Variants in ELF1 observed in about 807,000 individuals in gnomAD.
The protein encoded by ELF1 is E74 like ETS transcription factor 1.
Under a neutral mutation model 59.9 loss-of-function variants are expected in ELF1, and 24 were observed. The ratio of observed to expected loss-of-function variants is 0.40; its 90% confidence interval spans 0.29 to 0.56. ELF1 has a LOEUF of 0.56. Among genes scored for constraint, ELF1 ranks in the 20% least tolerant of loss-of-function variants. ELF1 has a pLI of 0.44. For synonymous variants in ELF1, 248 were observed against 266.2 expected (o/e 0.93, Z 0.67); for missense variants, 627 against 742.2 (o/e 0.84, Z 1.80).
At chr13:40,982,332 G>A (rs1279739813) in intron 1 of ELF1, 50 bp from the exon 2 acceptor site, 3 of 1,162,036 alleles carry the variant, frequency 2.6e-6, no homozygotes, top group African/African-American at 1.6e-5. Flanking sequence ...CACCCACTTA[G>A]GATATAATAA....
chr13:41,054,057 TG>T (rs1403908654), intron 1 of ELF1, among the ~76,000 whole-genome samples: 2 of 152,088 alleles, frequency 1.3e-5, no homozygotes, highest in Admixed American at 6.5e-5. Flanking sequence ...TAAAATGGGA[TG>T]AAAAAAATCA....
At chr13:40,974,918 A>C (rs1388236977) in intron 2 of ELF1, among the ~76,000 whole-genome samples, 2 of 152,216 alleles carry the variant, frequency 1.3e-5, no homozygotes, top group Admixed American at 6.5e-5. Context: ...CCAGAAGGCA[A>C]TCAGGCTTGT....
upstream of ELF1, among the ~76,000 whole-genome samples, chr13:41,022,395 G>C (rs1875721213): frequency 6.6e-6 from 1 of 152,122 alleles, no homozygotes; most frequent in African/African-American, 2.4e-5. Context: ...AGTTCTAGGG[G>C]CTGGAAATGA....
At chr13:40,960,336 T>A (rs1359896406) in intron 2 of ELF1, among the ~76,000 whole-genome samples, 1 of 152,224 alleles carries the variant, frequency 6.6e-6, no homozygotes, top group Non-Finnish European at 1.5e-5. Context: ...ATAACTCCTT[T>A]AACCTGGAAC....
intron 2 of ELF1, among the ~76,000 whole-genome samples, chr13:40,959,849 T>C (rs1472873694): frequency 2.6e-5 from 4 of 152,202 alleles, no homozygotes; most frequent in African/African-American, 9.7e-5. Context: ...CCTCATTTTA[T>C]AGATGAGGAA....
intron 1 of ELF1, among the ~76,000 whole-genome samples, chr13:41,058,849 TGTA>T (rs1877382916): frequency 6.6e-6 from 1 of 152,240 alleles, no homozygotes; most frequent in Admixed American, 6.5e-5. Flanking sequence ...GGCGGGTGTC[TGTA>T]GTCCCAGCTA....
intron 2 of ELF1, among the ~76,000 whole-genome samples, chr13:40,959,378 C>A (rs1370240708): frequency 1.3e-5 from 2 of 152,104 alleles, no homozygotes; most frequent in East Asian, 3.9e-4. Flanking sequence ...CACCTGTAGT[C>A]TCAGCTACTA....
intron 5 of ELF1, among the ~76,000 whole-genome samples, chr13:40,947,607 G>A (rs1369643957): frequency 6.6e-6 from 1 of 152,236 alleles, no homozygotes; most frequent in Non-Finnish European, 1.5e-5. Flanking sequence ...TGCCAGCCAA[G>A]TAATTAACAC....
chr13:40,971,149 A>C (rs1872526240), intron 2 of ELF1, among the ~76,000 whole-genome samples: 1 of 152,222 alleles, frequency 6.6e-6, no homozygotes, highest in South Asian at 2.1e-4. Context: ...AGTCATAATG[A>C]AAGTCTCATT....
At chr13:40,934,370 T>C (rs1869619831) in intron 8 of ELF1, among the ~76,000 whole-genome samples, 1 of 151,872 alleles carries the variant, frequency 6.6e-6, no homozygotes, top group African/African-American at 2.4e-5. Flanking sequence ...TGCATGAGCT[T>C]CTTAAAATTA....
intron 1 of ELF1, among the ~76,000 whole-genome samples, chr13:41,046,251 G>A (rs1237004481): frequency 6.6e-6 from 1 of 152,156 alleles, no homozygotes; most frequent in Non-Finnish European, 1.5e-5. Context: ...TTGCCAATCT[G>A]TGTCTTTTAA....
At chr13:41,006,341 C>T (rs904604152) in intron 1 of ELF1, among the ~76,000 whole-genome samples, 3 of 152,108 alleles carry the variant, frequency 2.0e-5, no homozygotes, top group African/African-American at 7.2e-5. Context: ...TTCCCCAAAC[C>T]ATGAAGGAAG....
At chr13:41,046,106 C>A (rs575337825) in intron 1 of ELF1, among the ~76,000 whole-genome samples, 3 of 152,244 alleles carry the variant, frequency 2.0e-5, no homozygotes, top group East Asian at 1.9e-4. Context: ...AGGATTACAA[C>A]CCCTACCTTT....
chr13:41,055,285 A>G (rs563773068), intron 1 of ELF1, among the ~76,000 whole-genome samples: 3 of 152,062 alleles, frequency 2.0e-5, no homozygotes, highest in African/African-American at 7.2e-5. Context: ...TCGCAGCCTT[A>G]TTTCCCATTC....
At chr13:41,008,383 A>G (rs905269333) in intron 1 of ELF1, among the ~76,000 whole-genome samples, 1 of 152,240 alleles carries the variant, frequency 6.6e-6, no homozygotes, top group African/African-American at 2.4e-5. Flanking sequence ...GTCACCAATT[A>G]TAAAATGCAA....
At chr13:41,056,883 C>T (rs1006072600) in intron 1 of ELF1, among the ~76,000 whole-genome samples, 3 of 151,972 alleles carry the variant, frequency 2.0e-5, no homozygotes, top group Non-Finnish European at 2.9e-5. Context: ...GGGGAATATT[C>T]CAGGCAAAGG....
chr13:40,949,870 C>T lies in ELF1; in HGVS notation c.465G>A (p.Gln155=). The change falls in exon 5 of 9, where the codon CAG becomes CAA. Residue 155 remains glutamine, a synonymous_variant. Transcript: ENST00000239882. ...GTGAGTCTGCATATTTTTCTTGCAC[C>T]TGCTGTGTTTCCATCACTTCAGGAA... is the stretch of plus-strand genomic sequence containing the variant. ...DGIPEVMETQ[Q]VQEKYADSPG... is the part of the protein sequence containing the mutation. 6.2e-7 allele frequency: 1 copy of T among 1,614,096 alleles called. No individual in the cohort carries two copies. The highest frequency in any genetic ancestry group is 8.5e-7 in the Non-Finnish European group (1 of 1,180,024).
intron 5 of ELF1, among the ~76,000 whole-genome samples, chr13:40,948,266 C>T (rs977869148): frequency 2.0e-5 from 3 of 152,208 alleles, no homozygotes; most frequent in African/African-American, 4.8e-5. Context: ...AGAATTTCTC[C>T]ACTCAGAGGC....
chr13:40,993,197 C>T, intron 1 of ELF1: 1 of 1,521,648 alleles, frequency 6.6e-7, no homozygotes, highest in Non-Finnish European at 9.1e-7. Flanking sequence ...CCCCTTTCTT[C>T]ATTCCTAACA....
Sources: gnomAD v4.1 joint callset for allele counts (sites outside exome capture counted in the v4.1 genomes callset) on GRCh38, gnomAD v4.1.1 for gene constraint, MANE v1.5 for transcripts, NCBI Gene and HGNC (gene_info 2026-07-23, HGNC 2026-07-21) for gene names.